The following SRGAP3 variants were observed in gnomAD, a reference collection of about 807,000 sequenced individuals.
SRGAP3 encodes the protein SLIT-ROBO Rho GTPase activating protein 3, also known as SLIT-ROBO Rho GTPase-activating protein 3.
A neutral mutation model predicts 121.1 loss-of-function variants in SRGAP3; 39 were observed. The ratio of observed to expected loss-of-function variants is 0.32; its 90% confidence interval spans 0.25 to 0.42. The LOEUF is 0.42. Ranked by LOEUF, SRGAP3 falls within the 10% of genes least tolerant of loss-of-function variation. The pLI is 1.00. For synonymous variants in SRGAP3, 601 were observed against 570.0 expected (o/e 1.05, Z -0.77); for missense variants, 1,213 against 1,470.6 (o/e 0.82, Z 2.86).
At chr3:9,356,354 G>C (rs1407653745) in intron 1 of SRGAP3, among the ~76,000 whole-genome samples, 1 of 129,580 alleles carries the variant, frequency 7.7e-6, no homozygotes, top group Non-Finnish European at 1.6e-5. Context: ...ATCATGGCCA[G>C]CTAATTTTTT....
intron 18 of SRGAP3, 152 bp downstream of exon 18, chr3:9,010,156 G>T: frequency 2.2e-6 from 2 of 925,430 alleles, no homozygotes; most frequent in South Asian, 1.4e-5. Flanking sequence ...TGCCATGAAG[G>T]TTTTTCGGGG....
intron 1 of SRGAP3, among the ~76,000 whole-genome samples, chr3:9,164,140 G>T (rs1575169788): frequency 6.6e-6 from 1 of 151,324 alleles, no homozygotes; most frequent in East Asian, 1.9e-4. Flanking sequence ...TGGGATTACA[G>T]GCATGTGCAA....
chr3:9,100,618 A>C (rs1197430465), intron 3 of SRGAP3, among the ~76,000 whole-genome samples: 1 of 152,188 alleles, frequency 6.6e-6, no homozygotes, highest in Non-Finnish European at 1.5e-5. Flanking sequence ...ATATGAAGAA[A>C]CACAAAAGCA....
chr3:9,350,362 G>A (rs1217500259), intron 1 of SRGAP3, among the ~76,000 whole-genome samples: 5 of 152,186 alleles, frequency 3.3e-5, no homozygotes, highest in African/African-American at 7.2e-5. Flanking sequence ...AGATAGGAAA[G>A]GCAAGGAGAG....
intron 3 of SRGAP3, among the ~76,000 whole-genome samples, chr3:9,267,575 T>C (rs948179219): frequency 2.0e-5 from 3 of 152,202 alleles, no homozygotes; most frequent in African/African-American, 2.4e-5. Flanking sequence ...TGGGGCCTAC[T>C]CTGAGAAGCT....
At chr3:9,172,099 T>C (rs967076119) in intron 1 of SRGAP3, among the ~76,000 whole-genome samples, 7 of 149,766 alleles carry the variant, frequency 4.7e-5, no homozygotes, top group African/African-American at 1.5e-4. Context: ...TTTTCTTTTT[T>C]TTTTTTTTTT....
intron 3 of SRGAP3, among the ~76,000 whole-genome samples, chr3:9,317,370 G>A (rs1446815654): frequency 6.6e-6 from 1 of 152,202 alleles, no homozygotes; most frequent in Non-Finnish European, 1.5e-5. Flanking sequence ...TGAAGATTTG[G>A]TAAAGGTTTT....
At chr3:9,006,875 G>A (rs971872502) in intron 18 of SRGAP3, 7 of 151,328 alleles carry the variant, frequency 4.6e-5, no homozygotes, top group Non-Finnish European at 1.0e-4. Context: ...AACTCTTGGA[G>A]ACCAAAGAGC....
chr3:9,270,213 A>G (rs981668687), intron 3 of SRGAP3, among the ~76,000 whole-genome samples: 1 of 152,192 alleles, frequency 6.6e-6, no homozygotes, highest in Non-Finnish European at 1.5e-5. Flanking sequence ...ATTAATCTGT[A>G]TTGTGTAATA....
rs2124877893 is a variant in SRGAP3, at chr3:8,982,144, A to T, written c.*3375T>A. On this transcript the variant is annotated 3_prime_UTR_variant, in exon 22 of 22. Coordinates refer to ENST00000383836, the MANE Select transcript of SRGAP3 (RefSeq NM_014850.4). ...CAAGGCCCAGGAAACTAGACCAGGA[A>T]TTAATTGTCTTTGGTCAGTTTTAAA... 4.4e-6 allele frequency: 1 copy of T among 226,218 alleles called. No homozygotes were observed. The highest frequency in any genetic ancestry group is 2.2e-5 in the African/African-American group (1 of 45,082). 14.0% of individuals were successfully genotyped at this position (226,218 alleles called of 1,614,324 possible). A position where few individuals can be genotyped will look rare whatever the true frequency, so the allele number is the denominator to read the frequency against.
chr3:9,307,789 G>A (rs11922482), intron 3 of SRGAP3, among the ~76,000 whole-genome samples: 10,900 of 152,236 alleles, frequency 0.072, 946 homozygotes, highest in African/African-American at 0.2. Flanking sequence ...AATTGCAAAA[G>A]TTAGAAACAA....
intron 1 of SRGAP3, chr3:9,235,972 G>A (rs1415667634): frequency 6.4e-6 from 1 of 156,414 alleles, no homozygotes; most frequent in Admixed American, 6.5e-5. Context: ...AAATAAATAC[G>A]ACTCTCATCC....
intron 3 of SRGAP3, chr3:9,257,576 T>C (rs975511120): frequency 6.6e-6 from 1 of 151,930 alleles, no homozygotes; most frequent in Non-Finnish European, 1.5e-5. Flanking sequence ...TAATGGTTGT[T>C]TGAAAAAAAT....
rs577697873 is a variant in SRGAP3 at position 9,084,361 on chromosome 3, G to C, written c.424-4274C>G. 2.0e-5 allele frequency among the ~76,000 whole-genome samples: 3 copies of C among 152,312 alleles called. No homozygotes were observed. In the South Asian group the frequency reaches 6.2e-4, roughly 32 times the overall value. ...CAGAGGTGAGTATGTGACTTAACTG[G>C]ATGGAAGAGAAAGACTTCTGTGGTC... On this transcript the variant is annotated intron_variant, in intron 3 of 21. Coordinates refer to ENST00000383836, the MANE Select transcript of SRGAP3 (RefSeq NM_014850.4).
chr3:9,294,487 A>T (rs1382202046), intron 3 of SRGAP3, among the ~76,000 whole-genome samples: 1 of 152,174 alleles, frequency 6.6e-6, no homozygotes, highest in Admixed American at 6.5e-5. Context: ...ACATTTACCT[A>T]TGTAGCAAAC....
intron 1 of SRGAP3, among the ~76,000 whole-genome samples, chr3:9,334,958 G>C (rs1470824028): frequency 1.3e-5 from 2 of 152,210 alleles, no homozygotes; most frequent in African/African-American, 4.8e-5. Flanking sequence ...TAAGAGCCAG[G>C]CTGGAAATGT....
At chr3:9,061,114 C>A (rs1230818233) in intron 5 of SRGAP3, among the ~76,000 whole-genome samples, 1 of 152,154 alleles carries the variant, frequency 6.6e-6, no homozygotes, top group East Asian at 1.9e-4. Context: ...CACCTATAGT[C>A]CCAGCTACTT....
intron 21 of SRGAP3, among the ~76,000 whole-genome samples, chr3:8,988,016 A>G (rs567125948): frequency 6.7e-6 from 1 of 150,074 alleles, no homozygotes; most frequent in Non-Finnish European, 1.5e-5. Context: ...CACCATCCCC[A>G]CCCGCCCCAC....
chr3:9,134,496 T>C (rs888979606), intron 1 of SRGAP3, among the ~76,000 whole-genome samples: 15 of 152,142 alleles, frequency 9.9e-5, no homozygotes, highest in African/African-American at 3.6e-4. Context: ...TGACATCCTA[T>C]GAGGCTGGTA....
Sources: gnomAD v4.1 joint callset for allele counts (sites outside exome capture counted in the v4.1 genomes callset) on GRCh38, gnomAD v4.1.1 for gene constraint, MANE v1.5 for transcripts, NCBI Gene and HGNC (gene_info 2026-07-23, HGNC 2026-07-21) for gene names.